GRM4: variants seen among roughly 807,000 people sequenced by gnomAD.
GRM4 encodes the protein glutamate metabotropic receptor 4.
In GRM4, 28 loss-of-function variants were observed where a neutral mutation model predicts 81.7. The ratio of observed to expected loss-of-function variants is 0.34; its 90% CI spans 0.25 to 0.47. GRM4 has a LOEUF of 0.47. Among genes scored for constraint, GRM4 ranks in the 20% least tolerant of loss-of-function variants. The pLI, the probability that GRM4 is intolerant of heterozygous loss-of-function variation, is 1.00. For synonymous variants in GRM4, 488 were observed against 528.8 expected (o/e 0.92, Z 1.06); for missense variants, 948 against 1,290.0 (o/e 0.73, Z 4.06).
intron 6 of GRM4, among the ~76,000 whole-genome samples, chr6:34,044,917 CAT>C (rs769745356): frequency 1.3e-5 from 2 of 150,338 alleles, no homozygotes; most frequent in South Asian, 2.1e-4. Context: ...CATACATACA[CAT>C]ATATACACAG....
In GRM4 at chr6:34,022,393, G is replaced by C; in HGVS notation, c.*428C>G. On this transcript the variant is annotated 3_prime_UTR_variant, in exon 11 of 11. Transcript: ENST00000538487. The surrounding 1 kb of genome is among the most constrained non-coding windows in gnomAD (Gnocchi z 5.6). Reference sequence around the variant, plus strand: ...AAAGGAGACACAGAAAAGGCCAAGAGTACAAGCAGCCGGGGACGCCAGAGA... The same window carrying C: ...AAAGGAGACACAGAAAAGGCCAAGACTACAAGCAGCCGGGGACGCCAGAGA... 5.0e-6 allele frequency: 1 copy of C among 198,200 alleles called. No individual in the cohort carries two copies. Among genetic ancestry groups the C allele is most frequent in the Non-Finnish European group, 1.0e-5 (1 of 96,568 alleles). The allele number at this position is 198,200 out of a possible 1,614,324, so 12.3% of individuals were successfully genotyped here. A position where few individuals can be genotyped will look rare whatever the true frequency, so the allele number is the denominator to read the frequency against.
At position 34,089,256 on chromosome 6, in the gene GRM4, T is replaced by TA. The variant is rs1391374772; in HGVS notation, c.736+2626dup. On this transcript the variant is annotated intron_variant, in intron 3 of 10. Transcript: ENST00000538487. The surrounding 1 kb of genome is among the most constrained non-coding windows in gnomAD (Gnocchi z 4.3). Reference sequence around the variant, plus strand: ...ATTTATACTTCAGAGTACGAATCAATACAATATACGGCCAAAGACATCTTT... The same window carrying TA: ...ATTTATACTTCAGAGTACGAATCAATAACAATATACGGCCAAAGACATCTTT... Among the ~76,000 whole-genome samples the TA allele has an allele frequency of 1.3e-5, 2 of 152,154 alleles. No individual in the cohort carries two copies. Among genetic ancestry groups the TA allele is most frequent in the Non-Finnish European group, 2.9e-5 (2 of 68,038 alleles).
intron 3 of GRM4, among the ~76,000 whole-genome samples, chr6:34,073,229 A>AC (rs1767099041): frequency 8.3e-6 from 1 of 121,046 alleles, no homozygotes; most frequent in African/African-American, 3.5e-5. Context: ...ACACATCACC[A>AC]AATACATGCC....
intron 2 of GRM4, among the ~76,000 whole-genome samples, chr6:34,107,026 G>A (rs1219747767): frequency 2.0e-5 from 3 of 152,260 alleles, no homozygotes; most frequent in East Asian, 1.9e-4. Context: ...GACCACAGGT[G>A]GCTGGAGGCT....
chr6:34,076,761 T>C (rs1767333517), intron 3 of GRM4, among the ~76,000 whole-genome samples: 1 of 151,970 alleles, frequency 6.6e-6, no homozygotes, highest in Non-Finnish European at 1.5e-5. Flanking sequence ...AGGGCCCAGA[T>C]GTGAGCCTTG....
intron 3 of GRM4, among the ~76,000 whole-genome samples, chr6:34,073,215 A>AG (rs1491122428): frequency 4.0e-5 from 4 of 99,622 alleles, no homozygotes; most frequent in African/African-American, 1.0e-4. Flanking sequence ...CACATCACAC[A>AG]AACACACATC....
At chr6:34,062,759 T>G (rs988588284) in intron 3 of GRM4, 5 of 151,534 alleles carry the variant, frequency 3.3e-5, no homozygotes, top group African/African-American at 1.2e-4. Flanking sequence ...TGGGTGGCCA[T>G]CAGAGACCCT....
chr6:34,044,729 G>T (rs372687235), intron 6 of GRM4, among the ~76,000 whole-genome samples: 2 of 90,584 alleles, frequency 2.2e-5, no homozygotes, highest in Admixed American at 1.0e-4. Flanking sequence ...TACACACACA[G>T]ACATACATAC....
rs529882660 is a variant in GRM4, at chr6:34,074,289, A to G, written c.737-12261T>C. Among the ~76,000 whole-genome samples the G allele has an allele frequency of 1.3e-5, 2 of 152,290 alleles. No individual in the cohort carries two copies. The highest frequency in any genetic ancestry group is 1.3e-4 in the Admixed American group (2 of 15,296). Reference sequence around the variant, plus strand: ...CAACCCTCCATTTCCCCATCTGTGAAATGGGATGGTATGAACCCTGTCCCC... The same window carrying G: ...CAACCCTCCATTTCCCCATCTGTGAGATGGGATGGTATGAACCCTGTCCCC... On this transcript the variant is annotated intron_variant, in intron 3 of 10. Transcript: ENST00000538487. The surrounding 1 kb of genome is among the most constrained non-coding windows in gnomAD (Gnocchi z 4.9).
chr6:34,050,600 C>T (rs1259763001), intron 6 of GRM4, among the ~76,000 whole-genome samples: 2 of 152,208 alleles, frequency 1.3e-5, no homozygotes, highest in African/African-American at 2.4e-5. Context: ...AGCCTCTTTT[C>T]TTTATGAATT....
At chr6:34,082,714 G>A (rs767969428) in intron 3 of GRM4, among the ~76,000 whole-genome samples, 5 of 152,212 alleles carry the variant, frequency 3.3e-5, no homozygotes, top group African/African-American at 9.6e-5. Flanking sequence ...CGGCCCACCC[G>A]GCAAGCACCG....
rs1770193268 is a variant in GRM4, at chr6:34,130,522, C to T, written c.519+2456G>A. Among the ~76,000 whole-genome samples the T allele has an allele frequency of 6.6e-6, 1 of 152,210 alleles. No individual in the cohort carries two copies. The highest frequency in any genetic ancestry group is 6.5e-5 in the Admixed American group (1 of 15,288). On this transcript the variant is annotated intron_variant, in intron 2 of 10. Transcript: ENST00000538487. The surrounding 1 kb of genome is among the most constrained non-coding windows in gnomAD (Gnocchi z 4.1). ...CCCAGGATGGTAAGGCTCTTCACCC[C>T]AGGCCCCTCACCCCACCCTGGCCCT...
rs1765411945 is a variant in GRM4 at position 34,047,452 on chromosome 6, T to C, written c.1169-6704A>G. ...TCAAGTCCTGTTCCCGAGTCCAGGC[T>C]CACCATCCCACAAGCCCCCAAATTC... On this transcript the variant is annotated intron_variant, in intron 6 of 10. Coordinates refer to ENST00000538487, the MANE Select transcript of GRM4 (RefSeq NM_000841.4). This position sits in a 1 kb window ranked among gnomAD's most constrained non-coding sequence, Gnocchi z 4.5. Among the ~76,000 whole-genome samples, 1 of 152,088 alleles carries C rather than the reference T, an allele frequency of 6.6e-6. No individual in the cohort carries two copies. The highest frequency in any genetic ancestry group is 6.5e-5 in the Admixed American group (1 of 15,274).
At chr6:34,102,983 ACATAGAAGGTGCT>A (rs1768918174) in intron 2 of GRM4, among the ~76,000 whole-genome samples, 1 of 152,186 alleles carries the variant, frequency 6.6e-6, no homozygotes, top group Non-Finnish European at 1.5e-5. Context: ...AGTGCCCAGC[ACATAGAAGGTGCT>A]CTGAGGTCTC....
In GRM4 at chr6:34,062,023, C is replaced by A. The variant is rs144674222; in HGVS notation, c.742G>T (p.Val248Leu). The A allele has an allele frequency of 1.2e-6, 2 of 1,609,348 alleles. No individual in the cohort carries two copies. The highest frequency in any genetic ancestry group is 2.7e-5 in the African/African-American group (2 of 74,880). Reference sequence around the variant, plus strand: ...ATCTTCACCGACTGGGCGATGCACACGCCCCCTGCAGGAGGGGCACCAGTT... The same window carrying A: ...ATCTTCACCGACTGGGCGATGCACAAGCCCCCTGCAGGAGGGGCACCAGTT... ...FIQKSREDGG[V>L]CIAQSVKIPR... The change falls in exon 4 of 11, where the codon GTG (valine) becomes TTG (leucine). Residue 248 changes from valine to leucine, a missense_variant. Physicochemically the swap from Val to Leu is conservative, Grantham distance 32 (BLOSUM62 1). Transcript: ENST00000538487.
intron 2 of GRM4, chr6:34,110,587 A>G: frequency 1.5e-6 from 1 of 662,942 alleles, no homozygotes; most frequent in Non-Finnish European, 2.6e-6. Context: ...CTTCTCAGAG[A>G]GGTTGTTGCT....
At chr6:34,024,528 A>T (rs1168777192) in intron 10 of GRM4, 3 of 387,186 alleles carry the variant, frequency 7.7e-6, no homozygotes, top group Non-Finnish European at 1.6e-5. Context: ...CCACTAACAC[A>T]GGCAGAAGTT....
chr6:34,125,538 A>G (rs555964922), intron 2 of GRM4, among the ~76,000 whole-genome samples: 132 of 152,338 alleles, frequency 8.7e-4, no homozygotes, highest in Non-Finnish European at 1.6e-3. Flanking sequence ...GAACTCCCCC[A>G]TGACTGTGAC....
At chr6:34,041,934 A>T (rs9366837) in intron 6 of GRM4, among the ~76,000 whole-genome samples, 40,001 of 152,188 alleles carry the variant, frequency 0.26, 6,237 homozygotes, top group African/African-American at 0.43. Context: ...AACAATGCTA[A>T]GGTGTAATCA....
Sources: allele counts gnomAD v4.1 joint callset (sites outside exome capture counted in the v4.1 genomes callset), GRCh38; gene constraint gnomAD v4.1.1; non-coding constraint Gnocchi (gnomAD v3.1); transcripts MANE v1.5; gene names NCBI Gene and HGNC (gene_info 2026-07-23, HGNC 2026-07-21).